The following CTNND2 variants were observed in gnomAD, a reference collection of about 807,000 sequenced individuals.
The protein encoded by CTNND2 is catenin delta-2.
In CTNND2, 22 loss-of-function variants were observed where a neutral mutation model predicts 144.4. That is an observed-to-expected ratio of 0.15 (90% confidence interval 0.11 to 0.22). The LOEUF (loss-of-function observed/expected upper bound fraction) is 0.22, where lower values mean the gene tolerates loss of function less well. Among genes scored for constraint, CTNND2 ranks in the 10% least tolerant of loss-of-function variants. The pLI, the probability that CTNND2 is intolerant of heterozygous loss-of-function variation, is 1.00. For synonymous variants in CTNND2, 751 were observed against 695.6 expected (o/e 1.08, Z -1.25); for missense variants, 1,353 against 1,618.8 (o/e 0.84, Z 2.82).
chr5:11,786,098 T>G (rs189652447), intron 1 of CTNND2, among the ~76,000 whole-genome samples: 3 of 152,312 alleles, frequency 2.0e-5, no homozygotes, highest in Non-Finnish European at 4.4e-5. Context: ...AGTGGGTACA[T>G]GTAACAGCGC....
At position 11,041,831 on chromosome 5, in the gene CTNND2, T is replaced by A. The variant is rs568044658; in HGVS notation, c.2789-18852A>T. Among the ~76,000 whole-genome samples, 6 of 152,300 alleles carry A rather than the reference T, an allele frequency of 3.9e-5. No individual in the cohort carries two copies. The South Asian group carries it at 1.2e-3, about 32-fold the overall frequency. ...TCTGGGGAATACTAGTTTTAAAAGG[T>A]GCTATGTTATAAATAGGGTTTCACT... On this transcript the variant is annotated intron_variant, in intron 16 of 21. Transcript: ENST00000304623.
In CTNND2 at chr5:11,284,628, G is replaced by A. The variant is rs190023207; in HGVS notation, c.1629-47805C>T. ...TTATGGCTGCGTAGTATTCTATGGT[G>A]TATATGTACCACATTTTCTTTATCC... is the stretch of plus-strand genomic sequence containing the variant. On this transcript the variant is annotated intron_variant, in intron 9 of 21. Coordinates refer to ENST00000304623, the MANE Select transcript of CTNND2 (RefSeq NM_001332.4). Among the ~76,000 whole-genome samples, 6 of 152,306 alleles carry A rather than the reference G, an allele frequency of 3.9e-5. No individual in the cohort carries two copies. In the East Asian group the frequency reaches 7.7e-4, roughly 20 times the overall value.
chr5:11,743,764 T>C (rs1469153259), intron 1 of CTNND2, among the ~76,000 whole-genome samples: 1 of 152,004 alleles, frequency 6.6e-6, no homozygotes, highest in African/African-American at 2.4e-5. Context: ...GGGATCTCAG[T>C]GTGGAGCTCA....
rs188721845 is a variant in CTNND2 at position 11,098,737 on chromosome 5, T to C, written c.2475A>G (p.Val825=). Residue 825 remains valine, a synonymous_variant, in exon 15 of 22, where the codon GTA becomes GTG. Coordinates refer to ENST00000304623, the MANE Select transcript of CTNND2 (RefSeq NM_001332.4). ...KKKSQDQWDG[V]GPLPDCAEPP... is the part of the protein sequence containing the mutation. ...GTTCAGCACAGTCTGGAAGAGGTCC[T>C]ACTCCATCCCACTGGCGGAAGAAAA... 1.9e-6 allele frequency: 3 copies of C among 1,612,760 alleles called. No homozygotes were observed. Among genetic ancestry groups the C allele is most frequent in the East Asian group, 4.5e-5 (2 of 44,876 alleles).
chr5:11,807,021 A>G (rs2126899405), intron 1 of CTNND2, among the ~76,000 whole-genome samples: 1 of 151,764 alleles, frequency 6.6e-6, no homozygotes, highest in African/African-American at 2.4e-5. Flanking sequence ...TATAATAAAA[A>G]TAAATATTTA....
chr5:11,076,552 G>A (rs544573977), intron 16 of CTNND2, among the ~76,000 whole-genome samples: 4 of 152,278 alleles, frequency 2.6e-5, no homozygotes, highest in Admixed American at 1.3e-4. Flanking sequence ...AGAAATGTAT[G>A]GATGTGCATT....
chr5:11,138,499 C>T lies in CTNND2; in HGVS notation c.2160-20932G>A, dbSNP rs548541485. Reference sequence around the variant, plus strand: ...AACTGGGTCAGTGCGTGTCCTGACACAGCAGGAAGGACCTGGTAGTGGCAC... The same window carrying T: ...AACTGGGTCAGTGCGTGTCCTGACATAGCAGGAAGGACCTGGTAGTGGCAC... On this transcript the variant is annotated intron_variant, in intron 12 of 21. Coordinates refer to ENST00000304623, the MANE Select transcript of CTNND2 (RefSeq NM_001332.4). Among the ~76,000 whole-genome samples the T allele has an allele frequency of 7.9e-5, 12 of 152,324 alleles. No homozygotes were observed. In the South Asian group the frequency reaches 2.5e-3, roughly 32 times the overall value.
intron 2 of CTNND2, among the ~76,000 whole-genome samples, chr5:11,703,971 T>C (rs1286998837): frequency 1.3e-5 from 2 of 152,166 alleles, no homozygotes; most frequent in African/African-American, 4.8e-5. Flanking sequence ...TAAACAAGCA[T>C]ATAGAGTGTC....
rs1279511135 is a variant in CTNND2, at chr5:11,250,525, T to A, written c.1629-13702A>T. On this transcript the variant is annotated intron_variant, in intron 9 of 21. Transcript: ENST00000304623. ...TATATATATATATACATATATTTTTTTTTTTTTTTAGAGACAGGGTCTTGC... is the reference window on the plus strand; with the variant it reads ...TATATATATATATACATATATTTTTATTTTTTTTTAGAGACAGGGTCTTGC... 4.3e-3 allele frequency among the ~76,000 whole-genome samples: 521 copies of A among 122,124 alleles called. 15 individuals are homozygous for A. Among genetic ancestry groups the A allele is most frequent in the African/African-American group, 0.018 (493 of 27,412 alleles). 80.1% of individuals were successfully genotyped at this position (122,124 alleles called of 152,430 possible). A position where few individuals can be genotyped will look rare whatever the true frequency, so the allele number is the denominator to read the frequency against.
At chr5:11,167,374 T>C (rs924372373) in intron 11 of CTNND2, among the ~76,000 whole-genome samples, 1 of 152,130 alleles carries the variant, frequency 6.6e-6, no homozygotes, top group African/African-American at 2.4e-5. Flanking sequence ...ACATACAAAA[T>C]TTATTTAGCC....
chr5:11,184,214 A>G (rs556521317), intron 11 of CTNND2, among the ~76,000 whole-genome samples: 169 of 152,332 alleles, frequency 1.1e-3, no homozygotes, highest in African/African-American at 3.3e-3. Flanking sequence ...TCTAATCTAA[A>G]AAGAATCATT....
intron 3 of CTNND2, among the ~76,000 whole-genome samples, chr5:11,530,326 A>G (rs1773629993): frequency 6.6e-6 from 1 of 152,166 alleles, no homozygotes; most frequent in Admixed American, 6.5e-5. Flanking sequence ...ACCATCACGC[A>G]GCTTCAAAGA....
At chr5:11,394,237 C>A (rs879571419) in intron 6 of CTNND2, among the ~76,000 whole-genome samples, 15 of 152,220 alleles carry the variant, frequency 9.9e-5, no homozygotes, top group Non-Finnish European at 2.1e-4. Flanking sequence ...GAGTCTCCAT[C>A]CCTGATGCTA....
rs201811997 is a variant in CTNND2 at position 11,333,274 on chromosome 5, G to GT, written c.1628+13097dup. On this transcript the variant is annotated intron_variant, in intron 9 of 21. Coordinates refer to ENST00000304623, the MANE Select transcript of CTNND2 (RefSeq NM_001332.4). ...TCTTTTCTATTCTTTTCTTTTTTTT[G>GT]TTTTTTTGAGGCAGGGTCTCACTCT... Among the ~76,000 whole-genome samples, 100 of 150,546 alleles carry GT rather than the reference G, an allele frequency of 6.6e-4. No homozygotes were observed. In the East Asian group the frequency reaches 0.017, roughly 26 times the overall value.
chr5:11,293,264 G>A (rs1342707448), intron 9 of CTNND2, among the ~76,000 whole-genome samples: 1 of 152,142 alleles, frequency 6.6e-6, no homozygotes, highest in Non-Finnish European at 1.5e-5. Flanking sequence ...TCCAAGCAGG[G>A]ACAATGTTAT....
In CTNND2 at chr5:11,115,430, C is replaced by T. The variant is rs145630275; in HGVS notation, c.2277+2020G>A. 3.9e-3 allele frequency among the ~76,000 whole-genome samples: 596 copies of T among 152,274 alleles called. 4 individuals are homozygous for T. Among genetic ancestry groups the T allele is most frequent in the South Asian group, 0.011 (52 of 4,822 alleles). On this transcript the variant is annotated intron_variant, in intron 13 of 21. Transcript: ENST00000304623. ...CCATCACAGTAAAAGGTATAGTCTCCCAGTGCCTCACTCACCACTCTGAAT... is the reference window on the plus strand; with the variant it reads ...CCATCACAGTAAAAGGTATAGTCTCTCAGTGCCTCACTCACCACTCTGAAT...
At chr5:11,782,523 G>A (rs1790596350) in intron 1 of CTNND2, among the ~76,000 whole-genome samples, 1 of 152,168 alleles carries the variant, frequency 6.6e-6, no homozygotes, top group Non-Finnish European at 1.5e-5. Context: ...GTGCCCACAT[G>A]GAGGTATAAA....
chr5:11,467,352 C>T (rs1050286888), intron 3 of CTNND2, among the ~76,000 whole-genome samples: 3 of 152,212 alleles, frequency 2.0e-5, no homozygotes, highest in African/African-American at 7.2e-5. Context: ...AATGGGTTGG[C>T]CCTGAGATGC....
At chr5:11,124,233 C>A (rs1754432573) in intron 12 of CTNND2, among the ~76,000 whole-genome samples, 1 of 152,146 alleles carries the variant, frequency 6.6e-6, no homozygotes, top group Non-Finnish European at 1.5e-5. Context: ...ATAGCTACCC[C>A]TTCAAAGAGC....
Sources: allele counts gnomAD v4.1 joint callset (sites outside exome capture counted in the v4.1 genomes callset), GRCh38; gene constraint gnomAD v4.1.1; transcripts MANE v1.5; gene names NCBI Gene and HGNC (gene_info 2026-07-23, HGNC 2026-07-21).